PCDHA13: variants seen among roughly 807,000 people sequenced by gnomAD.
The protein encoded by PCDHA13 is protocadherin alpha 13.
In PCDHA13, 54 loss-of-function variants were observed where a neutral mutation model predicts 64.8. The observed-to-expected ratio is 0.83, with a 90% CI of 0.67 to 1.04. The LOEUF (loss-of-function observed/expected upper bound fraction) is 1.04. PCDHA13 is among the 50% of genes least tolerant of loss of function. The pLI is 0.00. For synonymous variants in PCDHA13, 587 were observed against 564.4 expected, an observed-to-expected ratio of 1.04 and a Z score of -0.57; for missense variants, 1,248 against 1,254.3, an observed-to-expected ratio of 0.99 and a Z score of 0.08.
intron 1 of PCDHA13, chr5:140,926,357 A>G (rs1385567779): frequency 1.3e-5 from 2 of 152,178 alleles, no homozygotes; most frequent in Admixed American, 6.5e-5. Flanking sequence ...GCGGCTCCCA[A>G]AGGGCGGCAG....
intron 1 of PCDHA13, among the ~76,000 whole-genome samples, chr5:140,971,892 G>C (rs2096504766): frequency 6.6e-6 from 1 of 151,694 alleles, no homozygotes; most frequent in African/African-American, 2.4e-5. Context: ...AGCTCAGGGA[G>C]GTTAGGTAAT....
chr5:140,923,885 AGAG>A (rs1190900836), intron 1 of PCDHA13, among the ~76,000 whole-genome samples: 7 of 152,210 alleles, frequency 4.6e-5, no homozygotes, highest in Non-Finnish European at 8.8e-5. Flanking sequence ...AGCGTGTGAA[AGAG>A]GAGGAGTTTC....
chr5:140,883,506 T>A lies in PCDHA13; in HGVS notation c.1238T>A (p.Leu413Gln), dbSNP rs782204819. 6.2e-7 allele frequency: 1 copy of A among 1,614,078 alleles called. No homozygotes were observed. Among genetic ancestry groups the A allele is most frequent in the Non-Finnish European group, 8.5e-7 (1 of 1,180,042 alleles). Residue 413 changes from leucine to glutamine, a missense_variant, in exon 1 of 4, where the codon CTG (leucine) becomes CAG (glutamine). Physicochemically the swap from Leu to Gln is moderately radical, Grantham distance 113 (BLOSUM62 -2). Transcript: ENST00000289272. ...NYYSLVLDSA[L>Q]DRESVSAYEL... ...TACTCATTAGTGCTGGACAGCGCCCTGGACCGCGAGAGCGTATCAGCCTAT... is the reference window on the plus strand; with the variant it reads ...TACTCATTAGTGCTGGACAGCGCCCAGGACCGCGAGAGCGTATCAGCCTAT...
chr5:140,884,824 T>A, intron 1 of PCDHA13, 162 bp downstream of exon 1: 1 of 993,590 alleles, frequency 1.0e-6, no homozygotes, highest in Non-Finnish European at 1.4e-6. Context: ...ACATTATGTG[T>A]TGGATTATCC....
intron 1 of PCDHA13, chr5:140,928,541 AC>A: frequency 3.7e-6 from 6 of 1,614,192 alleles, no homozygotes; most frequent in Non-Finnish European, 5.1e-6. Context: ...GATAGGAATG[AC>A]AATTATCCGG....
At chr5:140,913,447 CG>C (rs2076342854) in intron 1 of PCDHA13, among the ~76,000 whole-genome samples, 1 of 152,026 alleles carries the variant, frequency 6.6e-6, no homozygotes, top group Non-Finnish European at 1.5e-5. Context: ...TTTTCAGCTC[CG>C]ATTTTATTTA....
intron 3 of PCDHA13, among the ~76,000 whole-genome samples, chr5:140,998,883 GAATA>G (rs782239555): frequency 6.6e-5 from 10 of 152,274 alleles, no homozygotes; most frequent in East Asian, 1.9e-4. Flanking sequence ...AAGTTTAGTT[GAATA>G]AATAACAATG....
intron 3 of PCDHA13, among the ~76,000 whole-genome samples, chr5:140,991,295 A>G (rs1215731555): frequency 6.6e-6 from 1 of 152,202 alleles, no homozygotes; most frequent in African/African-American, 2.4e-5. Context: ...TTAACACATT[A>G]CTATTATCTT....
chr5:141,004,163 G>A (rs374407159), intron 3 of PCDHA13, among the ~76,000 whole-genome samples: 3 of 152,234 alleles, frequency 2.0e-5, no homozygotes, highest in African/African-American at 7.2e-5. Context: ...TATAGGCAAA[G>A]CCAGCCAAGT....
intron 3 of PCDHA13, among the ~76,000 whole-genome samples, chr5:141,002,815 T>G (rs1554258803): frequency 6.6e-6 from 1 of 152,176 alleles, no homozygotes; most frequent in African/African-American, 2.4e-5. Flanking sequence ...GGCTCAGAGA[T>G]ATTTATGTAA....
chr5:140,886,910 T>C (rs1373910489), intron 1 of PCDHA13, among the ~76,000 whole-genome samples: 1 of 152,100 alleles, frequency 6.6e-6, no homozygotes, highest in African/African-American at 2.4e-5. Context: ...TAAATACTTA[T>C]TGAGTGTTCT....
chr5:140,941,228 T>TTTCTTTCTTTCTTTCTTTC (rs2092920819), intron 1 of PCDHA13, among the ~76,000 whole-genome samples: 1 of 139,066 alleles, frequency 7.2e-6, no homozygotes, highest in Admixed American at 7.4e-5. Flanking sequence ...TCTTTCTTTC[T>TTTCTTTCTTTCTTTCTTTC]TTCTTTCTTT....
chr5:140,947,192 C>T (rs958443362), intron 1 of PCDHA13, among the ~76,000 whole-genome samples: 2 of 151,038 alleles, frequency 1.3e-5, no homozygotes, highest in Admixed American at 6.6e-5. Flanking sequence ...GTATACTACA[C>T]AGCCTTAAAA....
intron 1 of PCDHA13, chr5:140,930,415 G>T (rs2086824319): frequency 6.6e-6 from 1 of 151,804 alleles, no homozygotes; most frequent in African/African-American, 2.4e-5. Flanking sequence ...TGAGACAGGG[G>T]TCTCACTATG....
chr5:141,002,374 C>T (rs1228476890), intron 3 of PCDHA13, among the ~76,000 whole-genome samples: 1 of 152,220 alleles, frequency 6.6e-6, no homozygotes, highest in Non-Finnish European at 1.5e-5. Context: ...CTCATTCTGG[C>T]TTAGGGCTCC....
intron 1 of PCDHA13, among the ~76,000 whole-genome samples, chr5:140,925,706 T>C (rs371734955): frequency 2.0e-5 from 3 of 151,422 alleles, no homozygotes; most frequent in Admixed American, 6.6e-5. Context: ...AGCCTATTCT[T>C]ATCCTGCCTC....
At chr5:140,965,838 T>C (rs1486782697) in intron 1 of PCDHA13, among the ~76,000 whole-genome samples, 5 of 152,204 alleles carry the variant, frequency 3.3e-5, no homozygotes, top group African/African-American at 1.2e-4. Flanking sequence ...ATATTGGTTA[T>C]TTGCCAAGGC....
intron 3 of PCDHA13, among the ~76,000 whole-genome samples, chr5:141,005,571 G>A (rs1053042213): frequency 4.0e-5 from 6 of 151,334 alleles, no homozygotes; most frequent in African/African-American, 4.9e-5. Context: ...GCATGGTGGC[G>A]CGTGCCTGTA....
At chr5:140,969,923 A>G (rs1270842223) in intron 1 of PCDHA13, among the ~76,000 whole-genome samples, 3 of 152,234 alleles carry the variant, frequency 2.0e-5, no homozygotes, top group Non-Finnish European at 4.4e-5. Flanking sequence ...AAGCTGTAGT[A>G]TTTAGACATC....
Sources: allele counts gnomAD v4.1 joint callset (sites outside exome capture counted in the v4.1 genomes callset), GRCh38; gene constraint gnomAD v4.1.1; transcripts MANE v1.5; gene names NCBI Gene and HGNC (gene_info 2026-07-23, HGNC 2026-07-21).